Variants in TTC19 observed in about 807,000 individuals in gnomAD.
TTC19 encodes tetratricopeptide repeat protein 19, mitochondrial.
TTC19 carries 38 observed loss-of-function variants against 49.5 expected under a neutral mutation model. The observed-to-expected ratio is 0.77, with a 90% CI of 0.59 to 1.01. The LOEUF (loss-of-function observed/expected upper bound fraction) is 1.01. Ranked by LOEUF, TTC19 falls within the 50% of genes least tolerant of loss-of-function variation. The pLI is 0.00. For missense variants in TTC19, 475 were observed against 477.7 expected, an observed-to-expected ratio of 0.99 and a Z score of 0.05; for synonymous variants, 204 against 185.2, an observed-to-expected ratio of 1.10 and a Z score of -0.83.
downstream of TTC19, chr17:16,032,046 A>G: frequency 2.2e-6 from 1 of 447,090 alleles, no homozygotes; most frequent in Non-Finnish European, 3.9e-6. Flanking sequence ...TAAAAACTCT[A>G]CATCTCAACC....
downstream of TTC19, among the ~76,000 whole-genome samples, chr17:16,034,108 G>GGTA (rs1230259326): frequency 6.7e-6 from 1 of 149,066 alleles, no homozygotes; most frequent in African/African-American, 2.6e-5. Context: ...CTTAGAAGTG[G>GGTA]CATGGGTACA....
intron 2 of TTC19, among the ~76,000 whole-genome samples, chr17:16,001,303 T>C (rs1286963463): frequency 6.6e-6 from 1 of 152,198 alleles, no homozygotes; most frequent in African/African-American, 2.4e-5. Context: ...CATTTGGCAG[T>C]AATCCTCTGG....
At chr17:16,040,841 G>A (rs184008256) in intron 2 of TTC19, 7 of 277,544 alleles carry the variant, frequency 2.5e-5, no homozygotes, top group African/African-American at 1.3e-4. Context: ...GCCAGCCTGG[G>A]CAACACAGTG....
At chr17:16,040,610 T>A in intron 2 of TTC19, 2 of 905,890 alleles carry the variant, frequency 2.2e-6, no homozygotes, top group Non-Finnish European at 3.4e-6. Flanking sequence ...GATCTCAACC[T>A]TTATTTCTCA....
chr17:16,026,761 T>C (rs1971574888), intron 9 of TTC19, 59 bp downstream of exon 9: 4 of 1,586,642 alleles, frequency 2.5e-6, no homozygotes, highest in African/African-American at 1.3e-5. Flanking sequence ...ACTGGATTGA[T>C]AGATTTGTGA....
chr17:16,014,243 A>C (rs1971153030), intron 7 of TTC19, among the ~76,000 whole-genome samples: 1 of 152,232 alleles, frequency 6.6e-6, no homozygotes, highest in African/African-American at 2.4e-5. Context: ...ATTGGGTTAC[A>C]TGCCATTTCT....
chr17:16,034,715 A>AT, intron 2 of TTC19: 6 of 1,474,064 alleles, frequency 4.1e-6, no homozygotes, highest in Non-Finnish European at 5.6e-6. Context: ...TAACCAAGAC[A>AT]TTGATATTAT....
intron 2 of TTC19, chr17:16,039,795 CCTTT>C: frequency 2.7e-6 from 2 of 739,820 alleles, no homozygotes; most frequent in Middle Eastern, 3.6e-4. Flanking sequence ...CACACAGAGA[CCTTT>C]TTTTTTGGAG....
Position 16,026,610 on chromosome 17 carries a change from A to G in TTC19, c.902A>G (p.Tyr301Cys), listed in dbSNP as rs1567587793. 6.2e-7 allele frequency: 1 copy of G among 1,614,148 alleles called. No homozygotes were observed. The highest frequency in any genetic ancestry group is 1.7e-5 in the Admixed American group (1 of 60,022). ...AQGRFDEAYIYMQRASDLARQ... is the reference protein window; with the variant it reads ...AQGRFDEAYICMQRASDLARQ... ...GGCCGCTTTGATGAGGCCTATATTT[A>G]TATGCAAAGGGCATCAGATCTGGCA... The change falls in exon 9 of 10, where the codon TAT becomes TGT. Residue 301 changes from tyrosine (Y) to cysteine (C), a missense_variant. Tyr to Cys is a radical substitution (Grantham distance 194, BLOSUM62 -2). Transcript: ENST00000261647.
At chr17:16,018,692 G>A (rs1381630796) in intron 7 of TTC19, among the ~76,000 whole-genome samples, 2 of 151,940 alleles carry the variant, frequency 1.3e-5, no homozygotes, top group Admixed American at 1.3e-4. Flanking sequence ...TTTTTTCATA[G>A]AGGCGGAGTT....
At chr17:16,004,353 T>A in intron 6 of TTC19, 91 bp downstream of exon 6, 9 of 1,252,370 alleles carry the variant, frequency 7.2e-6, no homozygotes, top group South Asian at 2.4e-5. Context: ...GTCATCTGGG[T>A]CTCCCAGAAA....
In TTC19 at chr17:16,026,637, G is replaced by A; in HGVS notation, c.929G>A (p.Arg310Lys). 1 of 1,614,172 alleles carries A rather than the reference G, an allele frequency of 6.2e-7. No individual in the cohort carries two copies. Among genetic ancestry groups the A allele is most frequent in the African/African-American group, 1.3e-5 (1 of 75,044 alleles). The change falls in exon 9 of 10, where the codon AGA (arginine) becomes AAA (lysine). Residue 310 changes from arginine (R) to lysine (K), a missense_variant. Coordinates refer to ENST00000261647, the MANE Select transcript of TTC19 (RefSeq NM_017775.4). The stretch of plus-strand genomic sequence containing the variant: ...ATGCAAAGGGCATCAGATCTGGCAA[G>A]ACAGATAAATCATCCTGAGCTACAC... ...IYMQRASDLA[R>K]QINHPELHMV...
Position 16,003,721 on chromosome 17 carries a change from T to C in TTC19, c.463-110T>C, listed in dbSNP as rs954566182. 1.0e-5 allele frequency: 10 copies of C among 978,658 alleles called. No homozygotes were observed. In the African/African-American group the frequency reaches 1.3e-4, roughly 13 times the overall value. 60.6% of individuals were successfully genotyped at this position (978,658 alleles called of 1,614,324 possible). On this transcript the variant is annotated intron_variant, in intron 4 of 9. Transcript: ENST00000261647. ...GTGAGTGTGCGTGTGTGTGGGTATA[T>C]GGGTTTTACAAGGAATGTTGCATCA...
At chr17:16,032,180 T>G (rs1012066175), downstream of TTC19, 21 of 1,053,690 alleles carry the variant, frequency 2.0e-5, no homozygotes, top group Non-Finnish European at 2.5e-5. Flanking sequence ...CTGGCTCTCC[T>G]GAAAAGTCTC....
At position 16,001,949 on chromosome 17, in the gene TTC19, A is replaced by G; in HGVS notation, c.347A>G (p.Glu116Gly). ...SIMKDEPEEA[E>G]LILHDALRLA... ...ATGAAAGATGAGCCAGAAGAGGCTG[A>G]GTTAATTTTGCATGACGCTCTTCGT... Residue 116 changes from glutamate (E) to glycine (G), a missense_variant, in exon 3 of 10, where the codon GAG becomes GGG. Physicochemically the swap from Glu to Gly is moderately conservative, Grantham distance 98. Coordinates refer to ENST00000261647, the MANE Select transcript of TTC19 (RefSeq NM_017775.4). 1 of 1,613,402 alleles carries G rather than the reference A, an allele frequency of 6.2e-7. No individual in the cohort carries two copies. Among genetic ancestry groups the G allele is most frequent in the Non-Finnish European group, 8.5e-7 (1 of 1,179,886 alleles).
chr17:16,006,595 C>T, intron 7 of TTC19, 27 bp downstream of exon 7: 1 of 1,397,900 alleles, frequency 7.2e-7, no homozygotes, highest in East Asian at 2.3e-5. Context: ...CTGGGCATTG[C>T]CTTTTCTCCA....
At chr17:16,002,635 T>C in intron 3 of TTC19, 158 bp from the exon 4 acceptor site, 1 of 710,012 alleles carries the variant, frequency 1.4e-6, no homozygotes, top group Non-Finnish European at 2.5e-6. Context: ...ACATGATTGC[T>C]GTCCTGTGCT....
At chr17:16,030,505 T>A (rs1043366405), downstream of TTC19, 8 of 196,820 alleles carry the variant, frequency 4.1e-5, no homozygotes, top group Non-Finnish European at 7.4e-5. Flanking sequence ...AAAAAAAAAA[T>A]TCAGCAGAAA....
At chr17:16,039,739 T>A in intron 2 of TTC19, 1 of 1,209,248 alleles carries the variant, frequency 8.3e-7, no homozygotes, top group Non-Finnish European at 1.2e-6. Flanking sequence ...GCCCACTGAA[T>A]ACACACAGCA....
Sources: gnomAD v4.1 joint callset for allele counts (sites outside exome capture counted in the v4.1 genomes callset) on GRCh38, gnomAD v4.1.1 for gene constraint, MANE v1.5 for transcripts, NCBI Gene and HGNC (gene_info 2026-07-23, HGNC 2026-07-21) for gene names.